The following RBFOX1 variants were observed in gnomAD, a reference collection of about 807,000 sequenced individuals.
The protein encoded by RBFOX1 is RNA binding protein fox-1 homolog 1.
In RBFOX1, 8 loss-of-function variants were observed where a neutral mutation model predicts 57.7. The observed-to-expected ratio is 0.14, with a 90% CI of 0.08 to 0.25. RBFOX1 has a LOEUF of 0.25. RBFOX1 is among the 10% of genes least tolerant of loss of function. RBFOX1 has a pLI of 1.00. For synonymous variants in RBFOX1, 326 were observed against 222.4 expected (o/e 1.47, Z -4.15); for missense variants, 611 against 548.5 (o/e 1.11, Z -1.14).
At chr16:7,301,071 G>A (rs919528365) in intron 4 of RBFOX1, among the ~76,000 whole-genome samples, 1 of 152,000 alleles carries the variant, frequency 6.6e-6, no homozygotes, top group Non-Finnish European at 1.5e-5. Context: ...CTCTTTCTCA[G>A]TCTCTTTTGA....
intron 5 of RBFOX1, among the ~76,000 whole-genome samples, chr16:7,577,990 A>T (rs1382535156): frequency 6.6e-6 from 1 of 152,256 alleles, no homozygotes; most frequent in Non-Finnish European, 1.5e-5. Context: ...TGCATGTGAC[A>T]AGGAGGGCTG....
chr16:6,411,243 A>T (rs924789383), intron 2 of RBFOX1, among the ~76,000 whole-genome samples: 1 of 152,132 alleles, frequency 6.6e-6, no homozygotes, highest in Non-Finnish European at 1.5e-5. Context: ...GGACCTCCCA[A>T]AGCATTGGCA....
At chr16:5,449,765 T>C (rs961669740) in intron 1 of RBFOX1, among the ~76,000 whole-genome samples, 5 of 152,048 alleles carry the variant, frequency 3.3e-5, no homozygotes, top group African/African-American at 1.2e-4. Flanking sequence ...TATGCCACCA[T>C]GCCTGGCTAA....
At chr16:5,353,202 C>T (rs528850569) in intron 1 of RBFOX1, among the ~76,000 whole-genome samples, 1 of 152,038 alleles carries the variant, frequency 6.6e-6, no homozygotes, top group East Asian at 1.9e-4. Context: ...GGTGAAATCC[C>T]ATCTCTACTA....
chr16:5,334,869 A>C (rs8045685), intron 1 of RBFOX1, among the ~76,000 whole-genome samples: 1 of 151,634 alleles, frequency 6.6e-6, no homozygotes, highest in East Asian at 2.0e-4. Flanking sequence ...TGAACACTTA[A>C]CCTGTTTCCT....
At chr16:5,726,649 A>G (rs1413883991) in intron 3 of RBFOX1, among the ~76,000 whole-genome samples, 2 of 152,166 alleles carry the variant, frequency 1.3e-5, no homozygotes, top group African/African-American at 2.4e-5. Context: ...CACTAACACT[A>G]TTATGTTATG....
rs71150315 is a variant in RBFOX1, at chr16:7,567,255, A to ATATATATCCC, written c.271-12515_271-12514insCCCTATATAT. Among the ~76,000 whole-genome samples, 172 of 84,140 alleles carry ATATATATCCC rather than the reference A, an allele frequency of 2.0e-3. 5 individuals are homozygous for ATATATATCCC. The highest frequency in any genetic ancestry group is 2.9e-3 in the African/African-American group (62 of 21,524). 55.2% of individuals were successfully genotyped at this position (84,140 alleles called of 152,430 possible). A position where few individuals can be genotyped will look rare whatever the true frequency, so the allele number is the denominator to read the frequency against. ...TATATATATATCCATATATCCCTATATATATATATCCCTATATATATATCC... is the reference window on the plus strand; with the variant it reads ...TATATATATATCCATATATCCCTATATATATATCCCTATATATATCCCTATATATATATCC... On this transcript the variant is annotated intron_variant, in intron 5 of 15. Transcript: ENST00000550418.
At chr16:6,475,208 C>G (rs989900728) in intron 2 of RBFOX1, among the ~76,000 whole-genome samples, 1 of 152,126 alleles carries the variant, frequency 6.6e-6, no homozygotes, top group African/African-American at 2.4e-5. Context: ...ACAATAAACA[C>G]TCATAGGTTT....
chr16:6,609,938 G>T (rs1377967568), intron 2 of RBFOX1, among the ~76,000 whole-genome samples: 2 of 152,068 alleles, frequency 1.3e-5, no homozygotes, highest in African/African-American at 4.8e-5. Context: ...AACCCAGGAG[G>T]TGGAGGTTGC....
chr16:6,924,562 A>T (rs1057228998), intron 3 of RBFOX1, among the ~76,000 whole-genome samples: 3 of 152,104 alleles, frequency 2.0e-5, no homozygotes, highest in African/African-American at 7.2e-5. Flanking sequence ...TTTAGAGAGG[A>T]CACATATCCA....
At position 5,618,859 on chromosome 16, in the gene RBFOX1, G is replaced by A. The variant is rs145201739; in HGVS notation, c.318+19898G>A. Among the ~76,000 whole-genome samples, 798 of 152,278 alleles carry A rather than the reference G, an allele frequency of 5.2e-3. 9 individuals are homozygous for A. The highest frequency in any genetic ancestry group is 0.018 in the African/African-American group (764 of 41,560). ...TTTTGCTGTGTCTGGATACCAGTGG[G>A]TGTCAGATCCAGAACCCAGCTTCCT... On this transcript the variant is annotated intron_variant, in intron 3 of 19. Transcript: ENST00000641259.
intron 3 of RBFOX1, among the ~76,000 whole-genome samples, chr16:5,740,838 GTC>G: frequency 6.6e-6 from 1 of 152,208 alleles, no homozygotes. Context: ...GCGTCTCCTT[GTC>G]TCTGATGAGG....
intron 1 of RBFOX1, among the ~76,000 whole-genome samples, chr16:5,402,044 T>G (rs1250185684): frequency 6.6e-6 from 1 of 151,174 alleles, no homozygotes; most frequent in East Asian, 1.9e-4. Context: ...GGGAGAGGAG[T>G]GTGCAGAAAA....
rs550640508 is a variant in RBFOX1, at chr16:6,643,658, C to T, written c.-63-10945C>T. Reference sequence around the variant, plus strand: ...GTAAGGGAGAGTATAAAATACATAGCTCGTAGACCAGATGGATTTCAATCT... The same window carrying T: ...GTAAGGGAGAGTATAAAATACATAGTTCGTAGACCAGATGGATTTCAATCT... On this transcript the variant is annotated intron_variant, in intron 2 of 15. Coordinates refer to ENST00000550418, the MANE Select transcript of RBFOX1 (RefSeq NM_018723.4). Among the ~76,000 whole-genome samples the T allele has an allele frequency of 2.0e-5, 3 of 152,214 alleles. No individual in the cohort carries two copies. In the South Asian group the frequency reaches 6.2e-4, roughly 32 times the overall value.
chr16:6,161,959 C>T (rs2096882729), intron 1 of RBFOX1, among the ~76,000 whole-genome samples: 1 of 152,204 alleles, frequency 6.6e-6, no homozygotes, highest in Non-Finnish European at 1.5e-5. Flanking sequence ...CCTCTCAGTC[C>T]TTCACAGCCA....
chr16:6,329,283 C>T (rs557235437), intron 2 of RBFOX1, among the ~76,000 whole-genome samples: 10 of 152,304 alleles, frequency 6.6e-5, no homozygotes, highest in African/African-American at 2.4e-4. Flanking sequence ...AGCATCACCT[C>T]ATTTCATCCT....
At chr16:5,568,892 G>C (rs1159441858) in intron 2 of RBFOX1, among the ~76,000 whole-genome samples, 2 of 152,170 alleles carry the variant, frequency 1.3e-5, no homozygotes, top group African/African-American at 4.8e-5. Flanking sequence ...CCAGGTTGGA[G>C]TGCAGTGACG....
chr16:5,522,380 G>A (rs1271782728), intron 2 of RBFOX1, among the ~76,000 whole-genome samples: 1 of 152,174 alleles, frequency 6.6e-6, no homozygotes, highest in Non-Finnish European at 1.5e-5. Flanking sequence ...AGGAAACGGT[G>A]GAGCATCTGT....
intron 3 of RBFOX1, among the ~76,000 whole-genome samples, chr16:6,972,289 T>C (rs2085750657): frequency 6.6e-6 from 1 of 152,124 alleles, no homozygotes; most frequent in African/African-American, 2.4e-5. Context: ...GTCATTCTAC[T>C]TTTTGTCTCT....
Sources: allele counts gnomAD v4.1 joint callset (sites outside exome capture counted in the v4.1 genomes callset), GRCh38; gene constraint gnomAD v4.1.1; transcripts MANE v1.5; gene names NCBI Gene and HGNC (gene_info 2026-07-23, HGNC 2026-07-21).